TRPM8: variants seen among roughly 807,000 people sequenced by gnomAD.
TRPM8 encodes TRPM8 cationic channel.
In TRPM8, 110 loss-of-function variants were observed where a neutral mutation model predicts 133.7. The observed-to-expected ratio is 0.82, with a 90% CI of 0.70 to 0.96. The LOEUF (loss-of-function observed/expected upper bound fraction) is 0.96, where lower values mean the gene tolerates loss of function less well. Among genes scored for constraint, TRPM8 ranks in the 40% least tolerant of loss-of-function variants. The pLI, the probability that TRPM8 is intolerant of heterozygous loss-of-function variation, is 0.00. For synonymous variants in TRPM8, 535 were observed against 532.3 expected, an observed-to-expected ratio of 1.01 and a Z score of -0.07; for missense variants, 1,291 against 1,379.5, an observed-to-expected ratio of 0.94 and a Z score of 1.02.
At chr2:233,934,261 C>A (rs1405747597) in intron 3 of TRPM8, among the ~76,000 whole-genome samples, 1 of 152,198 alleles carries the variant, frequency 6.6e-6, no homozygotes, top group Non-Finnish European at 1.5e-5. Context: ...CCTCTCCCTG[C>A]ACACCTGTTC....
intron 8 of TRPM8, 117 bp downstream of exon 8, chr2:233,947,272 G>A: frequency 6.4e-7 from 1 of 1,556,260 alleles, no homozygotes; most frequent in Non-Finnish European, 8.7e-7. Flanking sequence ...CAGCAAGTAG[G>A]TAGTGTTTTC....
intron 22 of TRPM8, among the ~76,000 whole-genome samples, chr2:233,999,455 T>A (rs1400385708): frequency 1.3e-5 from 2 of 151,560 alleles, no homozygotes; most frequent in African/African-American, 4.9e-5. Context: ...GGGTAGAGAA[T>A]GTGACTCTGC....
At chr2:234,003,041 A>T (rs1401637569) in intron 22 of TRPM8, among the ~76,000 whole-genome samples, 1 of 152,208 alleles carries the variant, frequency 6.6e-6, no homozygotes, top group Non-Finnish European at 1.5e-5. Context: ...GGTGGCAATT[A>T]AGAAAAATTT....
intron 3 of TRPM8, among the ~76,000 whole-genome samples, chr2:233,931,980 G>T (rs747876279): frequency 1.3e-5 from 2 of 152,236 alleles, no homozygotes; most frequent in African/African-American, 4.8e-5. Context: ...ATGGATGAGA[G>T]ACTTGAGCCC....
At chr2:233,991,485 G>A (rs1258835450) in intron 21 of TRPM8, among the ~76,000 whole-genome samples, 1 of 152,200 alleles carries the variant, frequency 6.6e-6, no homozygotes, top group Non-Finnish European at 1.5e-5. Flanking sequence ...GGGCCATGGG[G>A]CAGTACTGGC....
intron 13 of TRPM8, among the ~76,000 whole-genome samples, chr2:233,964,271 G>A (rs1046032193): frequency 6.6e-6 from 1 of 152,018 alleles, no homozygotes; most frequent in Non-Finnish European, 1.5e-5. Context: ...TTAACCTTAG[G>A]CTGGGCTTGG....
Position 233,985,752 on chromosome 2 carries a change from G to A in TRPM8, c.2826G>A (p.Glu942=), listed in dbSNP as rs201441610. 6.1e-5 allele frequency: 98 copies of A among 1,614,046 alleles called. No individual in the cohort carries two copies. The highest frequency in any genetic ancestry group is 1.8e-4 in the East Asian group (8 of 44,884). ...ATGAGTCCAAGCCACTGTGTGTGGAGCTGGATGAGCACAACCTGCCCCGGT... is the reference window on the plus strand; with the variant it reads ...ATGAGTCCAAGCCACTGTGTGTGGAACTGGATGAGCACAACCTGCCCCGGT... ...TGNESKPLCV[E]LDEHNLPRFP... Residue 942 remains glutamate (E), a synonymous_variant, in exon 21 of 26, where the codon GAG becomes GAA. Coordinates refer to ENST00000324695, the MANE Select transcript of TRPM8 (RefSeq NM_024080.5).
intron 20 of TRPM8, 51 bp from the exon 21 acceptor site, chr2:233,985,637 C>G (rs777338871): frequency 1.3e-6 from 2 of 1,566,430 alleles, no homozygotes; most frequent in East Asian, 4.5e-5. Flanking sequence ...TGCCATCGCT[C>G]TCACCCCTCC....
chr2:233,940,192 G>A (rs566599229), intron 5 of TRPM8, among the ~76,000 whole-genome samples: 4 of 151,294 alleles, frequency 2.6e-5, no homozygotes, highest in Non-Finnish European at 5.9e-5. Context: ...ATTAGATTCA[G>A]TTTGTCTAAC....
intron 6 of TRPM8, chr2:233,943,015 C>T (rs139532370): frequency 3.0e-4 from 145 of 483,710 alleles, no homozygotes; most frequent in African/African-American, 2.6e-3. Flanking sequence ...CTTTATTCTT[C>T]ATAACTATGG....
intron 1 of TRPM8, among the ~76,000 whole-genome samples, chr2:233,922,221 C>T (rs1388934901): frequency 6.6e-6 from 1 of 152,104 alleles, no homozygotes; most frequent in African/African-American, 2.4e-5. Flanking sequence ...GCAAAAATAG[C>T]TGTGCTATGT....
At chr2:234,014,447 A>T in intron 24 of TRPM8, 115 bp from the exon 25 acceptor site, 1 of 540,164 alleles carries the variant, frequency 1.9e-6, no homozygotes, top group Admixed American at 4.3e-5. Context: ...TAGATGTGCC[A>T]TGCTTGCTAT....
intron 22 of TRPM8, among the ~76,000 whole-genome samples, chr2:233,996,980 T>A (rs1319018842): frequency 6.6e-6 from 1 of 152,196 alleles, no homozygotes; most frequent in East Asian, 1.9e-4. Context: ...AATAGGAATG[T>A]GTGGCCAGGC....
At chr2:233,943,065 A>ATATTTG in intron 6 of TRPM8, 1 of 243,100 alleles carries the variant, frequency 4.1e-6, no homozygotes. Flanking sequence ...CAACTGCAGT[A>ATATTTG]TCTTTTTTTT....
Position 233,985,814 on chromosome 2 carries a change from A to G in TRPM8, c.2888A>G (p.Tyr963Cys), listed in dbSNP as rs556646442. 1 of 1,614,044 alleles carries G rather than the reference A, an allele frequency of 6.2e-7. No homozygotes were observed. Among genetic ancestry groups the G allele is most frequent in the Non-Finnish European group, 8.5e-7 (1 of 1,180,038 alleles). ...ATCACCATCCCCCTGGTGTGCATCT[A>G]CATGTTATCCACCAACATCCTGCTG... ...EWITIPLVCI[Y>C]MLSTNILLVN... Residue 963 changes from tyrosine to cysteine, a missense_variant, in exon 21 of 26, where the codon TAC becomes TGC. Tyr to Cys is a radical substitution (Grantham distance 194). Around this residue, in one of 2 missense-constraint regions of TRPM8, gnomAD observed 328 missense variants for 410.6 expected, o/e 0.80. Coordinates refer to ENST00000324695, the MANE Select transcript of TRPM8 (RefSeq NM_024080.5).
Position 234,013,497 on chromosome 2 carries a change from G to C in TRPM8, c.3265-1065G>C, listed in dbSNP as rs374640876. 2.0e-5 allele frequency: 3 copies of C among 151,974 alleles called. No individual in the cohort carries two copies. The East Asian group carries it at 5.8e-4, about 29-fold the overall frequency. The allele number at this position is 151,974 out of a possible 1,614,324, so 9.4% of individuals were successfully genotyped here. On this transcript the variant is annotated intron_variant, in intron 24 of 25. Transcript: ENST00000324695. ...TTGTAAGGTTGTCTTTCTCATTTCT[G>C]ACTGTATTTATTTGTATCTTCTTCC... is the stretch of plus-strand genomic sequence containing the variant.
rs773564675 is a variant in TRPM8 at position 233,970,224 on chromosome 2, A to G, written c.2153A>G (p.Asp718Gly). Residue 718 changes from aspartate to glycine, a missense_variant, in exon 17 of 26, where the codon GAC (aspartate) becomes GGC (glycine). Physicochemically the swap from Asp to Gly is moderately conservative, Grantham distance 94 (BLOSUM62 -1). Around this residue, in one of 2 missense-constraint regions of TRPM8, gnomAD observed 963 missense variants for 968.9 expected, o/e 0.99. Transcript: ENST00000324695. ...TCTGGGTCCAGGAAGAAACCTGTCG[A>G]CAAGCACAAGAAGCTGCTTTGGTAC... ...GFVSFRKKPVDKHKKLLWYYV... is the reference protein window; with the variant it reads ...GFVSFRKKPVGKHKKLLWYYV... The G allele has an allele frequency of 6.2e-7, 1 of 1,614,138 alleles. No homozygotes were observed. Among genetic ancestry groups the G allele is most frequent in the South Asian group, 1.1e-5 (1 of 91,066 alleles).
chr2:233,999,513 C>T (rs976032549), intron 22 of TRPM8, among the ~76,000 whole-genome samples: 1 of 151,802 alleles, frequency 6.6e-6, no homozygotes, highest in Non-Finnish European at 1.5e-5. Context: ...GAATCCGTGG[C>T]CCTGTTTGGC....
At chr2:233,973,863 C>A (rs957735381) in intron 17 of TRPM8, among the ~76,000 whole-genome samples, 7 of 152,184 alleles carry the variant, frequency 4.6e-5, no homozygotes, top group Admixed American at 2.6e-4. Flanking sequence ...GTGAGAGAAG[C>A]AGCCCTCATC....
Sources: gnomAD v4.1 joint callset for allele counts (sites outside exome capture counted in the v4.1 genomes callset) on GRCh38, gnomAD v4.1.1 for gene constraint, gnomAD v4.1.1 regional missense constraint, MANE v1.5 for transcripts, NCBI Gene and HGNC (gene_info 2026-07-23, HGNC 2026-07-21) for gene names.